The following RIMS1 variants were observed in gnomAD, a reference collection of about 807,000 sequenced individuals.
RIMS1 encodes regulating synaptic membrane exocytosis protein 1.
Under a neutral mutation model 214.1 loss-of-function variants are expected in RIMS1, and 83 were observed. The ratio of observed to expected loss-of-function variants is 0.39; its 90% CI spans 0.32 to 0.47. The LOEUF is 0.47. RIMS1 is among the 20% of genes least tolerant of loss of function. The probability of loss-of-function intolerance (pLI) is 0.99; values close to 1 mark genes in which losing one functional copy is unlikely to be tolerated. For missense variants in RIMS1, 2,050 were observed against 2,161.8 expected (o/e 0.95, Z 1.03); for synonymous variants, 793 against 786.8 (o/e 1.01, Z -0.13).
rs542552273 is a variant in RIMS1, at chr6:71,889,217, T to C, written c.164+2030T>C. Among the ~76,000 whole-genome samples, 3 of 152,286 alleles carry C rather than the reference T, an allele frequency of 2.0e-5. No homozygotes were observed. The East Asian group carries it at 5.8e-4, about 29-fold the overall frequency. ...GGCCATCATGCCTCTTCATTGGCTG[T>C]CTCAAGCATGGTGGAGAGTGAGGGA... On this transcript the variant is annotated intron_variant, in intron 1 of 33. Transcript: ENST00000521978.
intron 29 of RIMS1, among the ~76,000 whole-genome samples, chr6:72,383,661 G>T (rs2098535501): frequency 6.7e-6 from 1 of 148,204 alleles, no homozygotes; most frequent in Non-Finnish European, 1.5e-5. Flanking sequence ...GTGGTGGCAT[G>T]TGCCTGTAGT....
chr6:71,969,321 G>T lies in RIMS1; in HGVS notation c.245+258G>T, dbSNP rs143780577. ...GTTTTCTTAGGGCTCTAAAATGACA[G>T]CAATTCTTTTTTGTTTGTTTGATTG... On this transcript the variant is annotated intron_variant, in intron 2 of 33. Transcript: ENST00000521978. 3.3e-5 allele frequency among the ~76,000 whole-genome samples: 5 copies of T among 152,070 alleles called. No homozygotes were observed. The East Asian group carries it at 7.7e-4, about 23-fold the overall frequency.
chr6:72,114,280 T>C (rs1192833955), intron 4 of RIMS1, among the ~76,000 whole-genome samples: 1 of 152,176 alleles, frequency 6.6e-6, no homozygotes, highest in East Asian at 1.9e-4. Flanking sequence ...TATGCATTAT[T>C]TCATGGAATT....
chr6:72,038,528 T>C (rs891161062), intron 2 of RIMS1, among the ~76,000 whole-genome samples: 1 of 152,104 alleles, frequency 6.6e-6, no homozygotes, highest in Admixed American at 6.6e-5. Flanking sequence ...GTATTAGGCC[T>C]TAACCACTGA....
chr6:71,992,427 T>C (rs1261629848), intron 2 of RIMS1, among the ~76,000 whole-genome samples: 1 of 141,902 alleles, frequency 7.0e-6, no homozygotes, highest in African/African-American at 2.7e-5. Flanking sequence ...TCTTTCTTTC[T>C]TTCTTTCTTT....
intron 1 of RIMS1, among the ~76,000 whole-genome samples, chr6:71,917,945 T>TAC (rs1303576942): frequency 6.6e-6 from 1 of 152,166 alleles, no homozygotes; most frequent in African/African-American, 2.4e-5. Context: ...GTGATGGTGT[T>TAC]CACTTGGAGA....
At chr6:72,386,425 G>A (rs1301879997) in intron 29 of RIMS1, among the ~76,000 whole-genome samples, 2 of 152,100 alleles carry the variant, frequency 1.3e-5, no homozygotes, top group Non-Finnish European at 2.9e-5. Flanking sequence ...AGTCAACATC[G>A]ACATTACAAA....
At chr6:72,144,598 T>C (rs530188050) in intron 4 of RIMS1, among the ~76,000 whole-genome samples, 5 of 152,168 alleles carry the variant, frequency 3.3e-5, no homozygotes, top group East Asian at 1.9e-4. Flanking sequence ...TCGCTTTGGT[T>C]AGCTCCCATG....
chr6:72,010,316 G>C (rs904612605), intron 2 of RIMS1, among the ~76,000 whole-genome samples: 1 of 152,092 alleles, frequency 6.6e-6, no homozygotes, highest in Non-Finnish European at 1.5e-5. Context: ...ATTAGGTATC[G>C]ATGGGACATA....
At chr6:72,020,997 C>A (rs1313097300) in intron 2 of RIMS1, among the ~76,000 whole-genome samples, 1 of 152,128 alleles carries the variant, frequency 6.6e-6, no homozygotes, top group Non-Finnish European at 1.5e-5. Flanking sequence ...CCAAGATATT[C>A]CATATTCATT....
intron 2 of RIMS1, among the ~76,000 whole-genome samples, chr6:72,065,024 G>C (rs1274867273): frequency 6.6e-6 from 1 of 152,146 alleles, no homozygotes; most frequent in Non-Finnish European, 1.5e-5. Flanking sequence ...TTTATTTGAA[G>C]TCCTGTTTAA....
At chr6:72,381,768 A>G (rs1202906803) in intron 29 of RIMS1, among the ~76,000 whole-genome samples, 1 of 152,238 alleles carries the variant, frequency 6.6e-6, no homozygotes, top group Non-Finnish European at 1.5e-5. Flanking sequence ...AGTCAATCAT[A>G]GCAATACCAG....
chr6:71,950,977 A>T lies in RIMS1; in HGVS notation c.165-18006A>T, dbSNP rs547661122. Among the ~76,000 whole-genome samples the T allele has an allele frequency of 7.2e-5, 11 of 152,344 alleles. No individual in the cohort carries two copies. In the South Asian group the frequency reaches 2.1e-3, roughly 29 times the overall value. On this transcript the variant is annotated intron_variant, in intron 1 of 33. Coordinates refer to ENST00000521978, the MANE Select transcript of RIMS1 (RefSeq NM_014989.7). ...GCATTTTAAGATGTTATAACATTTTAGATGAGAAGACATATACTGTTAAAT... is the reference window on the plus strand; with the variant it reads ...GCATTTTAAGATGTTATAACATTTTTGATGAGAAGACATATACTGTTAAAT...
chr6:71,891,184 T>C (rs1307578043), intron 1 of RIMS1, among the ~76,000 whole-genome samples: 1 of 152,204 alleles, frequency 6.6e-6, no homozygotes, highest in Non-Finnish European at 1.5e-5. Context: ...CATCACAGTG[T>C]AGTGGAAAGA....
At chr6:72,055,580 G>C (rs1479936178) in intron 2 of RIMS1, among the ~76,000 whole-genome samples, 3 of 152,124 alleles carry the variant, frequency 2.0e-5, no homozygotes, top group African/African-American at 7.2e-5. Flanking sequence ...TCCTTGTCTT[G>C]TTCTGGTGTT....
intron 1 of RIMS1, among the ~76,000 whole-genome samples, chr6:71,954,846 G>GCACACACACACACACACACACACTC (rs1561961342): frequency 1.4e-5 from 2 of 144,832 alleles, no homozygotes; most frequent in Non-Finnish European, 3.0e-5. Flanking sequence ...CCACTCCTCA[G>GCACACACACACACACACACACACTC]CACACACACA....
At position 71,918,187 on chromosome 6, in the gene RIMS1, A is replaced by T. The variant is rs568956094; in HGVS notation, c.164+31000A>T. 3.9e-5 allele frequency among the ~76,000 whole-genome samples: 6 copies of T among 152,244 alleles called. No individual in the cohort carries two copies. The East Asian group carries it at 1.2e-3, about 29-fold the overall frequency. On this transcript the variant is annotated intron_variant, in intron 1 of 33. Transcript: ENST00000521978. ...GGAGATGAAGAAGAGAGGAGAGGTG[A>T]AGATTAGCTGTGGGAGTGCTAATTA...
At chr6:72,300,082 T>G (rs2023392919) in intron 26 of RIMS1, among the ~76,000 whole-genome samples, 1 of 151,770 alleles carries the variant, frequency 6.6e-6, no homozygotes, top group African/African-American at 2.4e-5. Context: ...TATCCATCTC[T>G]TTTTTTGGCA....
chr6:72,370,136 GGGGCAGGGAACACAGCATT>G (rs1298035178), intron 29 of RIMS1, among the ~76,000 whole-genome samples: 3 of 152,178 alleles, frequency 2.0e-5, no homozygotes, highest in Non-Finnish European at 4.4e-5. Flanking sequence ...GATTTCCAGT[GGGGCAGGGAACACAGCATT>G]GGTTCCCCTG....
Sources: gnomAD v4.1 joint callset for allele counts (sites outside exome capture counted in the v4.1 genomes callset) on GRCh38, gnomAD v4.1.1 for gene constraint, MANE v1.5 for transcripts, NCBI Gene and HGNC (gene_info 2026-07-23, HGNC 2026-07-21) for gene names.